HERC2: variants seen among roughly 807,000 people sequenced by gnomAD.
The protein encoded by HERC2 is E3 ubiquitin-protein ligase HERC2.
Under a neutral mutation model 537.7 loss-of-function variants are expected in HERC2, and 102 were observed. That is an observed-to-expected ratio of 0.19 (90% CI 0.16 to 0.22). HERC2 has a LOEUF of 0.22. Among genes scored for constraint, HERC2 ranks in the 10% least tolerant of loss-of-function variants. The pLI is 1.00. For missense variants in HERC2, 4,236 were observed against 6,198.2 expected (o/e 0.68, Z 10.63); for synonymous variants, 2,224 against 2,466.2 (o/e 0.90, Z 2.91).
At chr15:28,235,117 G>A (rs376309745) in intron 26 of HERC2, among the ~76,000 whole-genome samples, 2 of 151,978 alleles carry the variant, frequency 1.3e-5, no homozygotes, top group East Asian at 1.9e-4. Flanking sequence ...CCAAATCCAA[G>A]CAATCAAAGC....
At chr15:28,275,036 A>C (rs1161968735) in intron 5 of HERC2, 31 bp from the exon 6 acceptor site, 1 of 1,417,742 alleles carries the variant, frequency 7.1e-7, no homozygotes, top group South Asian at 1.1e-5. Context: ...ACATACAACC[A>C]GTCAGCAGCA....
At chr15:28,311,939 T>C (rs2076956352) in intron 2 of HERC2, among the ~76,000 whole-genome samples, 1 of 151,924 alleles carries the variant, frequency 6.6e-6, no homozygotes, top group Non-Finnish European at 1.5e-5. Flanking sequence ...CCAGTTTACA[T>C]GGAAACAAGA....
chr15:28,231,495 T>C (rs947919968), intron 30 of HERC2, among the ~76,000 whole-genome samples: 2 of 152,198 alleles, frequency 1.3e-5, no homozygotes, highest in Non-Finnish European at 2.9e-5. Flanking sequence ...CGTATGTGAC[T>C]GGCCCCCAAC....
chr15:28,320,166 G>A (rs568026184), intron 2 of HERC2: 6 of 152,156 alleles, frequency 3.9e-5, no homozygotes, highest in Non-Finnish European at 7.3e-5. Flanking sequence ...CCAGGCTGGA[G>A]TGCAATGGCA....
intron 66 of HERC2, among the ~76,000 whole-genome samples, chr15:28,169,006 T>C (rs951205631): frequency 2.0e-5 from 3 of 152,220 alleles, no homozygotes; most frequent in Non-Finnish European, 4.4e-5. Context: ...GTTTTTGTTC[T>C]GAAACTAATT....
At chr15:28,174,919 A>G (rs1166573549) in intron 64 of HERC2, among the ~76,000 whole-genome samples, 3 of 152,108 alleles carry the variant, frequency 2.0e-5, no homozygotes, top group African/African-American at 7.2e-5. Context: ...ACTAAGTGTA[A>G]TAATTTTTTC....
chr15:28,293,470 G>A (rs12438302), intron 3 of HERC2, among the ~76,000 whole-genome samples: 13,851 of 147,996 alleles, frequency 0.094, 1,023 homozygotes, highest in East Asian at 0.29. Context: ...TCCAGCCTGG[G>A]TGACAGAGCG....
intron 39 of HERC2, 68 bp downstream of exon 39, chr15:28,215,553 T>C: frequency 7.1e-7 from 1 of 1,411,982 alleles, no homozygotes; most frequent in Non-Finnish European, 9.8e-7. Flanking sequence ...CCCCTGACTC[T>C]GAAGGCAGGG....
At chr15:28,114,849 T>G in intron 89 of HERC2, 47 bp from the exon 90 acceptor site, 3 of 1,533,084 alleles carry the variant, frequency 2.0e-6, no homozygotes, top group Non-Finnish European at 2.7e-6. Context: ...ACGGCTCATC[T>G]CCATCCCAGA....
rs759048108 is a variant in HERC2, at chr15:28,169,551, C to A, written c.10162G>T (p.Asp3388Tyr). Residue 3388 changes from aspartate (D) to tyrosine (Y), a missense_variant, in exon 66 of 93, where the codon GAT becomes TAT. Asp to Tyr is a radical substitution (Grantham distance 160). Around this residue, in one of 27 missense-constraint regions of HERC2, gnomAD observed 356 missense variants for 450.9 expected, o/e 0.79. Coordinates refer to ENST00000261609, the MANE Select transcript of HERC2 (RefSeq NM_004667.6). ...GCCTGCTGTTTGGCCAGATTTCCAT[C>A]CAATGACAAGAGAATCTTGGCAAGA... ...PSLAKILLSLDGNLAKQQALS... is the reference protein window; with the variant it reads ...PSLAKILLSLYGNLAKQQALS... The A allele has an allele frequency of 1.2e-6, 2 of 1,613,006 alleles. No individual in the cohort carries two copies. Among genetic ancestry groups the A allele is most frequent in the Non-Finnish European group, 1.7e-6 (2 of 1,179,192 alleles).
At chr15:28,254,838 C>A (rs1012078926) in intron 19 of HERC2, among the ~76,000 whole-genome samples, 1 of 152,270 alleles carries the variant, frequency 6.6e-6, no homozygotes, top group Admixed American at 6.5e-5. Flanking sequence ...ACACATGCAA[C>A]ATCCAGCTGC....
intron 55 of HERC2, among the ~76,000 whole-genome samples, chr15:28,187,106 G>C (rs1896381643): frequency 6.6e-6 from 1 of 152,150 alleles, no homozygotes; most frequent in South Asian, 2.1e-4. Context: ...TTAAATGTCA[G>C]GTAGTAACAG....
At chr15:28,170,116 A>T (rs1190079741) in intron 65 of HERC2, among the ~76,000 whole-genome samples, 1 of 152,260 alleles carries the variant, frequency 6.6e-6, no homozygotes, top group Admixed American at 6.5e-5. Flanking sequence ...ACATGTGTCT[A>T]TGTCAACTCA....
intron 44 of HERC2, among the ~76,000 whole-genome samples, chr15:28,208,522 T>C (rs1313964077): frequency 6.6e-6 from 1 of 151,966 alleles, no homozygotes; most frequent in Non-Finnish European, 1.5e-5. Flanking sequence ...CACCCGAAGG[T>C]CAATGCTTAC....
chr15:28,245,558 AAAAT>A (rs1172359142), intron 23 of HERC2, among the ~76,000 whole-genome samples: 11 of 122,650 alleles, frequency 9.0e-5, no homozygotes, highest in Non-Finnish European at 1.3e-4. Context: ...AAAAAAAAAA[AAAAT>A]ATATACACAC....
chr15:28,219,802 A>C (rs961460811), intron 37 of HERC2, among the ~76,000 whole-genome samples: 2 of 152,164 alleles, frequency 1.3e-5, no homozygotes, highest in Non-Finnish European at 2.9e-5. Context: ...CTTGGATGGT[A>C]TTACCAAACC....
At chr15:28,124,001 C>A (rs762664699) in intron 85 of HERC2, 36 bp downstream of exon 85, 7 of 1,511,010 alleles carry the variant, frequency 4.6e-6, no homozygotes, top group South Asian at 1.3e-5. Flanking sequence ...CTGAAGACAC[C>A]AGTTTCCCCT....
At chr15:28,270,449 G>A (rs2075691717) in intron 10 of HERC2, among the ~76,000 whole-genome samples, 1 of 152,058 alleles carries the variant, frequency 6.6e-6, no homozygotes, top group Non-Finnish European at 1.5e-5. Flanking sequence ...GGAGCTCTCT[G>A]GGGCTGTGCC....
chr15:28,278,790 A>T (rs376616288), intron 5 of HERC2, among the ~76,000 whole-genome samples: 15 of 152,172 alleles, frequency 9.9e-5, no homozygotes, highest in Non-Finnish European at 1.6e-4. Context: ...ATCACAGTCA[A>T]ATAAAGCCAG....
Sources: gnomAD v4.1 joint callset for allele counts (sites outside exome capture counted in the v4.1 genomes callset) on GRCh38, gnomAD v4.1.1 for gene constraint, gnomAD v4.1.1 regional missense constraint, MANE v1.5 for transcripts, NCBI Gene and HGNC (gene_info 2026-07-23, HGNC 2026-07-21) for gene names.